The following OPRM1 variants were observed in gnomAD, a reference collection of about 807,000 sequenced individuals.
OPRM1 encodes the protein opioid receptor mu 1.
In OPRM1, 27 loss-of-function variants were observed where a neutral mutation model predicts 31.8. The ratio of observed to expected loss-of-function variants is 0.85; its 90% CI spans 0.63 to 1.17. OPRM1 has a LOEUF of 1.17. Ranked by LOEUF, OPRM1 falls within the 50% of genes most tolerant of loss-of-function variation. OPRM1 has a pLI of 0.00. For synonymous variants in OPRM1, 196 were observed against 189.9 expected (o/e 1.03, Z -0.26); for missense variants, 536 against 511.1 (o/e 1.05, Z -0.47).
intron 3 of OPRM1, among the ~76,000 whole-genome samples, chr6:154,095,694 G>T (rs2128493141): frequency 6.6e-6 from 1 of 152,184 alleles, no homozygotes; most frequent in East Asian, 1.9e-4. Context: ...AAAAAAGATG[G>T]TCTCGTGTTT....
chr6:154,090,904 A>T (rs1037249543), intron 2 of OPRM1, 48 bp from the exon 3 acceptor site: 1 of 1,549,704 alleles, frequency 6.5e-7, no homozygotes, highest in Admixed American at 1.8e-5. Flanking sequence ...ACCTTATGAC[A>T]TAATTAAATG....
intron 3 of OPRM1, among the ~76,000 whole-genome samples, chr6:154,245,856 A>T (rs1393536238): frequency 6.6e-6 from 1 of 152,254 alleles, no homozygotes; most frequent in Non-Finnish European, 1.5e-5. Context: ...GATTCAGGTC[A>T]CGAAAGATCA....
intron 3 of OPRM1, among the ~76,000 whole-genome samples, chr6:154,242,389 T>C (rs1780666801): frequency 6.6e-6 from 1 of 152,158 alleles, no homozygotes; most frequent in South Asian, 2.1e-4. Flanking sequence ...TTCTTGAAAT[T>C]CCCATGGGCA....
Position 154,091,671 on chromosome 6 carries a change from G to T in OPRM1, c.1164+199G>T. 4.4e-6 allele frequency: 6 copies of T among 1,349,190 alleles called. No individual in the cohort carries two copies. In the South Asian group the frequency reaches 1.3e-4, roughly 29 times the overall value. 83.6% of individuals were successfully genotyped at this position (1,349,190 alleles called of 1,614,324 possible). A position where few individuals can be genotyped will look rare whatever the true frequency, so the allele number is the denominator to read the frequency against. Reference sequence around the variant, plus strand: ...TATTTGACTGTACATATTCATTTAGGTATAAAGATACACCAATGAGAAATC... The same window carrying T: ...TATTTGACTGTACATATTCATTTAGTTATAAAGATACACCAATGAGAAATC... On this transcript the variant is annotated intron_variant, in intron 3 of 3. Transcript: ENST00000330432.
intron 3 of OPRM1, among the ~76,000 whole-genome samples, chr6:154,205,406 T>C (rs1918759): frequency 0.75 from 113,346 of 151,996 alleles, 42,923 homozygotes; most frequent in East Asian, 0.9. Context: ...ACCAGCCTGG[T>C]CAATATGGTG....
At chr6:154,016,340 G>T (rs1778002995) in intron 1 of OPRM1, among the ~76,000 whole-genome samples, 1 of 152,106 alleles carries the variant, frequency 6.6e-6, no homozygotes, top group South Asian at 2.1e-4. Flanking sequence ...AAAGTAGCAG[G>T]TTATAAAATT....
At chr6:154,100,224 G>GACATA (rs1404046403) in intron 3 of OPRM1, among the ~76,000 whole-genome samples, 1 of 45,782 alleles carries the variant, frequency 2.2e-5, no homozygotes, top group Non-Finnish European at 4.0e-5. Flanking sequence ...ATGACATATC[G>GACATA]TAATATATAT....
rs530960675 is a variant in OPRM1, at chr6:154,010,591, C to CA, written c.-425dup. On this transcript the variant is annotated 5_prime_UTR_variant, in exon 1 of 6. Coordinates refer to the OPRM1 transcript ENST00000434900. ...TTGGAAGAAAATACTCCTCTGAGCT[C>CA]AAAGGAAGTGTGATCTGTCACAATA... The CA allele has an allele frequency of 6.2e-4, 948 of 1,537,394 alleles. 7 individuals carry two copies. In the African/African-American group the frequency reaches 0.012, roughly 20 times the overall value.
chr6:154,108,016 A>T lies in OPRM1; in HGVS notation c.1165-10667A>T, dbSNP rs1205605173. 3 of 655,324 alleles carry T rather than the reference A, an allele frequency of 4.6e-6. 1 individual carries two copies. The South Asian group carries it at 5.5e-5, about 12-fold the overall frequency. The allele number at this position is 655,324 out of a possible 1,614,324, so 40.6% of individuals were successfully genotyped here. A position where few individuals can be genotyped will look rare whatever the true frequency, so the allele number is the denominator to read the frequency against. On this transcript the variant is annotated intron_variant, in intron 3 of 3. Coordinates refer to ENST00000330432, the MANE Select transcript of OPRM1 (RefSeq NM_000914.5). ...GCCATTCATTCAACCGTTTGCACAG[A>T]GAGAAAGAAGACAGAAATCTGACTG...
intron 3 of OPRM1, among the ~76,000 whole-genome samples, chr6:154,101,463 A>T (rs1053815685): frequency 1.6e-4 from 24 of 152,188 alleles, no homozygotes; most frequent in African/African-American, 5.8e-4. Context: ...TTGCAGTGTG[A>T]CTTGCATATA....
intron 3 of OPRM1, among the ~76,000 whole-genome samples, chr6:154,198,917 C>T (rs1209632574): frequency 6.6e-6 from 1 of 152,140 alleles, no homozygotes; most frequent in African/African-American, 2.4e-5. Flanking sequence ...CAGTATCTTC[C>T]ATCAGGTAAG....
rs1392931350 is a variant in OPRM1, at chr6:154,108,215, T to C, written c.1165-10468T>C. The C allele has an allele frequency of 3.2e-5, 14 of 433,266 alleles. 1 individual carries two copies. The South Asian group carries it at 3.9e-4, about 12-fold the overall frequency. 26.8% of individuals were successfully genotyped at this position (433,266 alleles called of 1,614,324 possible). A position where few individuals can be genotyped will look rare whatever the true frequency, so the allele number is the denominator to read the frequency against. Reference sequence around the variant, plus strand: ...AACACATGTGATAAAACATAGGCATTAGCTACTCTGCTTAGCACCAAATAT... The same window carrying C: ...AACACATGTGATAAAACATAGGCATCAGCTACTCTGCTTAGCACCAAATAT... On this transcript the variant is annotated intron_variant, in intron 3 of 3. Coordinates refer to ENST00000330432, the MANE Select transcript of OPRM1 (RefSeq NM_000914.5).
intron 1 of OPRM1, among the ~76,000 whole-genome samples, chr6:154,064,687 A>C (rs1785026633): frequency 6.6e-6 from 1 of 152,158 alleles, no homozygotes; most frequent in Admixed American, 6.5e-5. Flanking sequence ...GTAAGGTGCC[A>C]AAGTTATTCT....
chr6:154,137,923 C>T (rs1013199833), intron 3 of OPRM1, among the ~76,000 whole-genome samples: 13 of 152,170 alleles, frequency 8.5e-5, no homozygotes, highest in African/African-American at 3.1e-4. Context: ...GTTAAAGAGC[C>T]CTCACGTTCA....
intron 3 of OPRM1, among the ~76,000 whole-genome samples, chr6:154,219,377 A>G (rs550499281): frequency 6.6e-6 from 1 of 152,182 alleles, no homozygotes; most frequent in Non-Finnish European, 1.5e-5. Context: ...AGGACGGGCC[A>G]AGGATGGAAG....
At position 154,123,038 on chromosome 6, in the gene OPRM1, G is replaced by A. The variant is rs1317265495; in HGVS notation, c.*4317G>A. Reference sequence around the variant, plus strand: ...GAGCAAAAGTTTAATAAGCAAAAGAGGAAAGCTCTCTGCAGCAGAGACGGG... The same window carrying A: ...GAGCAAAAGTTTAATAAGCAAAAGAAGAAAGCTCTCTGCAGCAGAGACGGG... On this transcript the variant is annotated 3_prime_UTR_variant, in exon 4 of 4. Coordinates refer to ENST00000330432, the MANE Select transcript of OPRM1 (RefSeq NM_000914.5). Among the ~76,000 whole-genome samples, 1 of 152,178 alleles carries A rather than the reference G, an allele frequency of 6.6e-6. No homozygotes were observed. The highest frequency in any genetic ancestry group is 1.5e-5 in the Non-Finnish European group (1 of 68,026).
chr6:154,144,224 A>G (rs1314602031), intron 3 of OPRM1, among the ~76,000 whole-genome samples: 3 of 152,244 alleles, frequency 2.0e-5, no homozygotes, highest in Admixed American at 6.5e-5. Flanking sequence ...ATTTCACTGA[A>G]GACTTCTACT....
intron 3 of OPRM1, chr6:154,093,231 A>G: frequency 6.4e-7 from 1 of 1,555,972 alleles, no homozygotes; most frequent in East Asian, 2.3e-5. Flanking sequence ...TTGGAGCAAA[A>G]TAATGGCCAT....
chr6:154,225,013 G>C (rs1394170920), intron 3 of OPRM1, among the ~76,000 whole-genome samples: 2 of 152,058 alleles, frequency 1.3e-5, no homozygotes, highest in Non-Finnish European at 2.9e-5. Flanking sequence ...AACTATGTTA[G>C]GTCTCATCAA....
Sources: gnomAD v4.1 joint callset for allele counts (sites outside exome capture counted in the v4.1 genomes callset) on GRCh38, gnomAD v4.1.1 for gene constraint, MANE v1.5 for transcripts, NCBI Gene and HGNC (gene_info 2026-07-23, HGNC 2026-07-21) for gene names.